MRPL13: variants seen among roughly 807,000 people sequenced by gnomAD.
The protein encoded by MRPL13 is mitochondrial ribosomal protein L13.
MRPL13 carries 33 observed loss-of-function variants against 29.0 expected under a neutral mutation model. That is an observed-to-expected ratio of 1.14 (90% CI 0.86 to 1.52). The LOEUF is 1.52. Ranked by LOEUF, MRPL13 falls within the 40% of genes most tolerant of loss-of-function variation. The pLI is 0.00. For synonymous variants in MRPL13, 77 were observed against 68.4 expected (o/e 1.13, Z -0.62); for missense variants, 227 against 216.7 (o/e 1.05, Z -0.30).
intron 2 of MRPL13, among the ~76,000 whole-genome samples, chr8:120,437,251 A>C (rs1022070672): frequency 4.6e-5 from 7 of 152,212 alleles, no homozygotes; most frequent in African/African-American, 1.7e-4. Context: ...AACTTTAAGA[A>C]CAGCATCATA....
intron 6 of MRPL13, 131 bp from the exon 7 acceptor site, chr8:120,396,256 AT>A (rs949559660): frequency 1.2e-5 from 8 of 662,806 alleles, no homozygotes; most frequent in Non-Finnish European, 2.0e-5. Flanking sequence ...CTATATCTAA[AT>A]TTTTGGTGAA....
At chr8:120,414,138 A>C in intron 5 of MRPL13, 26 bp from the exon 6 acceptor site, 1 of 1,443,190 alleles carries the variant, frequency 6.9e-7, no homozygotes, top group Non-Finnish European at 9.2e-7. Context: ...ATTTAGACTT[A>C]ATTTTCTTAA....
chr8:120,401,136 C>T lies in MRPL13; in HGVS notation c.516-5011G>A, dbSNP rs567610936. On this transcript the variant is annotated intron_variant, in intron 6 of 6. Coordinates refer to ENST00000306185, the MANE Select transcript of MRPL13 (RefSeq NM_014078.6). The stretch of plus-strand genomic sequence containing the variant: ...AAAAAATTCAAAAGAAGGGACTCCT[C>T]CCTAACTTATTTTATGAGGCCAGCA... Among the ~76,000 whole-genome samples, 13 of 152,232 alleles carry T rather than the reference C, an allele frequency of 8.5e-5. No individual in the cohort carries two copies. The South Asian group carries it at 2.5e-3, about 29-fold the overall frequency.
chr8:120,396,715 G>T (rs1322688902), intron 6 of MRPL13, among the ~76,000 whole-genome samples: 5 of 152,036 alleles, frequency 3.3e-5, no homozygotes, highest in African/African-American at 9.7e-5. Context: ...TTTTTCAGAA[G>T]TATTAAATTA....
At chr8:120,436,620 G>A (rs899991397) in intron 2 of MRPL13, among the ~76,000 whole-genome samples, 1 of 152,024 alleles carries the variant, frequency 6.6e-6, no homozygotes, top group South Asian at 2.1e-4. Context: ...CCTTTATAGG[G>A]TTGAATCCTT....
chr8:120,432,175 A>C (rs779352864), intron 2 of MRPL13, 52 bp from the exon 3 acceptor site: 75 of 1,399,708 alleles, frequency 5.4e-5, no homozygotes, highest in Admixed American at 9.3e-5. Flanking sequence ...AACCTTAAGA[A>C]AAAGTGGCCT....
chr8:120,442,446 A>G (rs940293193), intron 2 of MRPL13, among the ~76,000 whole-genome samples: 2 of 152,206 alleles, frequency 1.3e-5, no homozygotes, highest in Non-Finnish European at 2.9e-5. Context: ...TATTCATTTC[A>G]CCATTATAAT....
chr8:120,429,602 T>C, intron 3 of MRPL13, among the ~76,000 whole-genome samples: 1 of 151,976 alleles, frequency 6.6e-6, no homozygotes, highest in East Asian at 1.9e-4. Flanking sequence ...GTATCGTAAA[T>C]CATTTTGTGC....
At chr8:120,425,739 G>A (rs923538082) in intron 3 of MRPL13, among the ~76,000 whole-genome samples, 3 of 152,050 alleles carry the variant, frequency 2.0e-5, no homozygotes, top group Non-Finnish European at 4.4e-5. Flanking sequence ...TATAAACTAC[G>A]GGTTAGGTCT....
intron 3 of MRPL13, among the ~76,000 whole-genome samples, chr8:120,429,978 C>T (rs1812979873): frequency 6.6e-6 from 1 of 152,082 alleles, no homozygotes. Context: ...AAAAAAATTA[C>T]ACGCCGGGTG....
At chr8:120,424,504 G>A (rs1812909823) in intron 4 of MRPL13, among the ~76,000 whole-genome samples, 2 of 151,974 alleles carry the variant, frequency 1.3e-5, no homozygotes, top group Non-Finnish European at 2.9e-5. Flanking sequence ...GGTGGCTCTC[G>A]CCTGTAATCC....
intron 2 of MRPL13, 121 bp downstream of exon 2, chr8:120,443,055 CAAGAATGGA>C: frequency 1.0e-6 from 1 of 963,936 alleles, no homozygotes; most frequent in East Asian, 3.0e-5. Context: ...ATGGTTTCAG[CAAGAATGGA>C]ATACAGGATC....
chr8:120,433,514 G>A (rs183273087), intron 2 of MRPL13, among the ~76,000 whole-genome samples: 6 of 151,870 alleles, frequency 4.0e-5, no homozygotes, highest in Non-Finnish European at 5.9e-5. Context: ...AAAGCATCTC[G>A]AGCCACTCAA....
intron 4 of MRPL13, 102 bp from the exon 5 acceptor site, chr8:120,420,040 A>G: frequency 1.5e-6 from 1 of 670,718 alleles, no homozygotes; most frequent in African/African-American, 1.9e-5. Flanking sequence ...TTTAGATTCA[A>G]CACGAATATA....
chr8:120,434,979 A>AGC, intron 2 of MRPL13, among the ~76,000 whole-genome samples: 1 of 152,282 alleles, frequency 6.6e-6, no homozygotes, highest in East Asian at 1.9e-4. Context: ...TGTTTACAAA[A>AGC]ATCCCTAGTG....
intron 2 of MRPL13, among the ~76,000 whole-genome samples, chr8:120,434,699 T>C (rs1434433063): frequency 2.6e-5 from 4 of 152,144 alleles, no homozygotes; most frequent in African/African-American, 4.8e-5. Context: ...ATCTTTGTAC[T>C]TCCCCATGTA....
rs559955935 is a variant in MRPL13, at chr8:120,436,497, ATTGT to A, written c.152-4378_152-4375del. On this transcript the variant is annotated intron_variant, in intron 2 of 6. Coordinates refer to ENST00000306185, the MANE Select transcript of MRPL13 (RefSeq NM_014078.6). Reference sequence around the variant, plus strand: ...TGTATTCTGCCCATAGCCTAATTAGATTGTTTGTTTTTTTACTGTTGAGTTTTGA... The same window carrying A: ...TGTATTCTGCCCATAGCCTAATTAGATTGTTTTTTTACTGTTGAGTTTTGA... 3.2e-4 allele frequency among the ~76,000 whole-genome samples: 48 copies of A among 152,010 alleles called. No homozygotes were observed. The South Asian group carries it at 5.8e-3, about 18-fold the overall frequency.
chr8:120,425,354 T>A lies in MRPL13; in HGVS notation c.258A>T (p.Gly86=). ...GCTGAGCAGCTGTTACTTGTCTAAA[T>A]CCACCTGGGTAGCTGTTAAAAGGAG... ...VYSSHTGYPG[G]FRQVTAAQLH... is the part of the protein sequence containing the mutation. Residue 86 remains glycine, a synonymous_variant, in exon 4 of 7, where the codon GGA becomes GGT. Coordinates refer to ENST00000306185, the MANE Select transcript of MRPL13 (RefSeq NM_014078.6). 2.5e-6 allele frequency: 4 copies of A among 1,612,344 alleles called. No homozygotes were observed. The highest frequency in any genetic ancestry group is 3.4e-6 in the Non-Finnish European group (4 of 1,178,758).
chr8:120,408,310 T>C (rs1259641423), intron 6 of MRPL13, among the ~76,000 whole-genome samples: 1 of 152,236 alleles, frequency 6.6e-6, no homozygotes, highest in East Asian at 1.9e-4. Context: ...TACATTCAAC[T>C]GCACTTTTTT....
Sources: allele counts gnomAD v4.1 joint callset (sites outside exome capture counted in the v4.1 genomes callset), GRCh38; gene constraint gnomAD v4.1.1; transcripts MANE v1.5; gene names NCBI Gene and HGNC (gene_info 2026-07-23, HGNC 2026-07-21).